The following KIFC2 variants were observed in gnomAD, a reference collection of about 807,000 sequenced individuals.
KIFC2 encodes the protein kinesin-like protein KIFC2.
KIFC2 carries 94 observed loss-of-function variants against 91.5 expected under a neutral mutation model. The observed-to-expected ratio is 1.03, with a 90% confidence interval of 0.87 to 1.22. The LOEUF is 1.22. Among genes scored for constraint, KIFC2 ranks in the 50% most tolerant of loss-of-function variants. The pLI, the probability that KIFC2 is intolerant of heterozygous loss-of-function variation, is 0.00. For synonymous variants in KIFC2, 729 were observed against 503.9 expected, an observed-to-expected ratio of 1.45 and a Z score of -5.98; for missense variants, 1,357 against 1,103.3, an observed-to-expected ratio of 1.23 and a Z score of -3.26.
rs1384229493 is a variant in KIFC2 at position 144,469,470 on chromosome 8, T to C, written c.1223-20T>C. ...CTTTAGGGTCTGCGAGGCATTATGC[T>C]GACCTGATCCCCACTGCAGGAAATA... is the stretch of plus-strand genomic sequence containing the variant. On this transcript the variant is annotated intron_variant, in intron 11 of 17. Coordinates refer to ENST00000645548, the MANE Select transcript of KIFC2 (RefSeq NM_001369769.2). 2 of 1,613,922 alleles carry C rather than the reference T, an allele frequency of 1.2e-6. No individual in the cohort carries two copies. The highest frequency in any genetic ancestry group is 2.2e-5 in the South Asian group (2 of 91,090).
rs1297818582 is a variant in KIFC2 at position 144,473,045 on chromosome 8, G to A, written c.2112G>A (p.Leu704=). ...ALGPGTTAVL[L]LQISTRPEDL... is the part of the protein sequence containing the mutation. ...GCCCAGGCACCACCGCGGTGCTGCTGCTGCAGGTGGGCGCCGGGGCGGGGC... is the reference window on the plus strand; with the variant it reads ...GCCCAGGCACCACCGCGGTGCTGCTACTGCAGGTGGGCGCCGGGGCGGGGC... Residue 704 remains leucine, a synonymous_variant, in exon 17 of 18, where the codon CTG becomes CTA. Transcript: ENST00000645548. 2.1e-6 allele frequency: 3 copies of A among 1,420,160 alleles called. No individual in the cohort carries two copies. In the Admixed American group the frequency reaches 9.8e-5, roughly 46 times the overall value. The allele number at this position is 1,420,160 out of a possible 1,614,324, so 88.0% of individuals were successfully genotyped here. A position where few individuals can be genotyped will look rare whatever the true frequency, so the allele number is the denominator to read the frequency against.
chr8:144,468,737 G>T lies in KIFC2; in HGVS notation c.1016G>T (p.Arg339Leu). 1 of 1,614,058 alleles carries T rather than the reference G, an allele frequency of 6.2e-7. No individual in the cohort carries two copies. Among genetic ancestry groups the T allele is most frequent in the Non-Finnish European group, 8.5e-7 (1 of 1,180,016 alleles). ...MHGQLAGLRA[R>L]MASLRQGCGD... ...CTTCCCTCTCCAGGACTTCGGGCAC[G>T]GATGGCCAGCCTGCGTCAGGGCTGC... The change falls in exon 10 of 18, where the codon CGG (arginine) becomes CTG (leucine). Residue 339 changes from arginine to leucine, a missense_variant. Coordinates refer to ENST00000645548, the MANE Select transcript of KIFC2 (RefSeq NM_001369769.2).
At position 144,467,789 on chromosome 8, in the gene KIFC2, C is replaced by T. The variant is rs765075028; in HGVS notation, c.681+10C>T. 7 of 1,613,666 alleles carry T rather than the reference C, an allele frequency of 4.3e-6. No individual in the cohort carries two copies. The highest frequency in any genetic ancestry group is 5.9e-6 in the Non-Finnish European group (7 of 1,179,966). On this transcript the variant is annotated intron_variant, in intron 6 of 17. Transcript: ENST00000645548. ...ACTGCGCCTGGGCGTGGTGAGGCTG[C>T]AGGGAGACCTGGCAGGGCCGGGCAT...
rs745739551 is a variant in KIFC2, at chr8:144,472,738, T to A, written c.1861+32T>A. The A allele has an allele frequency of 5.0e-6, 8 of 1,591,414 alleles. 1 individual carries two copies. In the South Asian group the frequency reaches 8.8e-5, roughly 18 times the overall value. ...CGGCCGGTGCCTGAGCCCTGCGGAG[T>A]CTCCAGAGCACCCGAGGCCCGGCCT... On this transcript the variant is annotated intron_variant, in intron 16 of 17. Coordinates refer to ENST00000645548, the MANE Select transcript of KIFC2 (RefSeq NM_001369769.2).
Position 144,471,926 on chromosome 8 carries a change from C to T in KIFC2, c.1381-16C>T, listed in dbSNP as rs370035950. ...ACGTGGGGAGGACTCAAAACACATT[C>T]TCCCGCCTCCCGCAGGTCTTCAGAG... On this transcript the variant is annotated splice_polypyrimidine_tract_variant and intron_variant, in intron 12 of 17. Coordinates refer to ENST00000645548, the MANE Select transcript of KIFC2 (RefSeq NM_001369769.2). The T allele has an allele frequency of 6.3e-5, 101 of 1,611,346 alleles. No individual in the cohort carries two copies. Among genetic ancestry groups the T allele is most frequent in the Non-Finnish European group, 8.0e-5 (94 of 1,178,586 alleles).
intron 10 of KIFC2, 132 bp from the exon 11 acceptor site, chr8:144,469,139 C>T (rs1022989471): frequency 5.4e-6 from 4 of 743,890 alleles, no homozygotes; most frequent in South Asian, 4.9e-5. Context: ...GGCCCAGAGC[C>T]ACTGAAAGTT....
At position 144,468,524 on chromosome 8, in the gene KIFC2, T is replaced by TG; in HGVS notation, c.889-9dup. The TG allele has an allele frequency of 6.5e-6, 2 of 306,892 alleles. No homozygotes were observed. The highest frequency in any genetic ancestry group is 1.9e-4 in the Admixed American group (1 of 5,330). 19.0% of individuals were successfully genotyped at this position (306,892 alleles called of 1,614,324 possible). On this transcript the variant is annotated splice_polypyrimidine_tract_variant and intron_variant, in intron 8 of 17. Transcript: ENST00000645548. ...GTTTCCTCAGTGACAGGGGTGGGGT[T>TG]GGGCGGGGCAGCTGGGGGTGCAGGA... is the stretch of plus-strand genomic sequence containing the variant.
At chr8:144,471,074 C>G (rs377533140) in intron 12 of KIFC2, among the ~76,000 whole-genome samples, 6 of 152,036 alleles carry the variant, frequency 3.9e-5, no homozygotes, top group African/African-American at 1.5e-4. Context: ...AGCAATTCTC[C>G]TGCTTCAGCC....
chr8:144,472,787 C>T lies in KIFC2; in HGVS notation c.1862-8C>T, dbSNP rs755980856. 54 of 1,591,356 alleles carry T rather than the reference C, an allele frequency of 3.4e-5. No homozygotes were observed. The Admixed American group carries it at 5.6e-4, about 16-fold the overall frequency. ...CTTCCCCCATGTCGGGCTCGCTCGC[C>T]CCTCTAGGCACGCTGCACCTGGTGG... is the stretch of plus-strand genomic sequence containing the variant. On this transcript the variant is annotated splice_region_variant and splice_polypyrimidine_tract_variant and intron_variant, in intron 16 of 17. Transcript: ENST00000645548.
chr8:144,469,165 T>C, intron 10 of KIFC2, 106 bp from the exon 11 acceptor site: 3 of 919,162 alleles, frequency 3.3e-6, no homozygotes, highest in Admixed American at 2.7e-5. Context: ...TTAGCACAGC[T>C]GAGCGGGCCT....
At position 144,472,217 on chromosome 8, in the gene KIFC2, G is replaced by A. The variant is rs769028986; in HGVS notation, c.1565G>A (p.Arg522Gln). ...FREMGAGRQHRVTLSMVEIYN... is the reference protein window; with the variant it reads ...FREMGAGRQHQVTLSMVEIYN... Reference sequence around the variant, plus strand: ...GAGATGGGGGCCGGCCGGCAGCACCGGGTGACACTCAGCATGGTGGAGATC... The same window carrying A: ...GAGATGGGGGCCGGCCGGCAGCACCAGGTGACACTCAGCATGGTGGAGATC... Residue 522 changes from arginine (R) to glutamine (Q), a missense_variant, in exon 14 of 18, where the codon CGG (arginine) becomes CAG (glutamine). Physicochemically the swap from Arg to Gln is conservative, Grantham distance 43. Coordinates refer to ENST00000645548, the MANE Select transcript of KIFC2 (RefSeq NM_001369769.2). The A allele has an allele frequency of 6.8e-6, 11 of 1,612,852 alleles. No individual in the cohort carries two copies. The highest frequency in any genetic ancestry group is 2.7e-5 in the African/African-American group (2 of 74,762).
chr8:144,474,143 G>A lies in KIFC2; in HGVS notation c.*754G>A, dbSNP rs1210143173. ...CAAGGCTGCTGCCTGGTGTTTCGAGGCTGCTGTGGTCGCAGACAGCCGCCT... is the reference window on the plus strand; with the variant it reads ...CAAGGCTGCTGCCTGGTGTTTCGAGACTGCTGTGGTCGCAGACAGCCGCCT... On this transcript the variant is annotated 3_prime_UTR_variant, in exon 18 of 18. Transcript: ENST00000645548. 3.1e-6 allele frequency: 3 copies of A among 956,894 alleles called. No homozygotes were observed. Among genetic ancestry groups the A allele is most frequent in the Non-Finnish European group, 1.5e-6 (1 of 653,038 alleles). The allele number at this position is 956,894 out of a possible 1,614,324, so 59.3% of individuals were successfully genotyped here.
chr8:144,467,157 C>T (rs756784364), intron 3 of KIFC2, 46 bp from the exon 4 acceptor site: 11 of 1,612,788 alleles, frequency 6.8e-6, no homozygotes, highest in Admixed American at 1.7e-5. Context: ...CTGCCCCGGC[C>T]TTCCTGGCTT....
chr8:144,470,784 G>C (rs1259255805), intron 12 of KIFC2: 1 of 152,268 alleles, frequency 6.6e-6, no homozygotes, highest in African/African-American at 2.4e-5. Context: ...CTGGGGTCAC[G>C]CCTTGTGAGC....
At chr8:144,471,530 C>T (rs1237544218) in intron 12 of KIFC2, among the ~76,000 whole-genome samples, 1 of 152,118 alleles carries the variant, frequency 6.6e-6, no homozygotes, top group Non-Finnish European at 1.5e-5. Context: ...CTAGGCTGGT[C>T]TCAAACTCCG....
rs750491001 is a variant in KIFC2, at chr8:144,473,010, C to A, written c.2077C>A (p.Pro693Thr). ...CTCGCAGCTCACGCGACTGCTGCAG[C>A]CGGCGCTGGGCCCAGGCACCACCGC... ...RDSQLTRLLQ[P>T]ALGPGTTAVL... The change falls in exon 17 of 18, where the codon CCG (proline) becomes ACG (threonine). Residue 693 changes from proline (P) to threonine (T), a missense_variant. Pro to Thr is a conservative substitution (Grantham distance 38). Transcript: ENST00000645548. 6 of 1,425,428 alleles carry A rather than the reference C, an allele frequency of 4.2e-6. No individual in the cohort carries two copies. In the East Asian group the frequency reaches 1.8e-4, roughly 42 times the overall value. The allele number at this position is 1,425,428 out of a possible 1,614,324, so 88.3% of individuals were successfully genotyped here.
At chr8:144,472,111 C>T in intron 13 of KIFC2, 27 bp from the exon 14 acceptor site, 2 of 1,612,972 alleles carry the variant, frequency 1.2e-6, no homozygotes, top group Non-Finnish European at 1.7e-6. Flanking sequence ...GGATGTGAGC[C>T]CGGTGTGCAC....
Position 144,472,661 on chromosome 8 carries a change from C to T in KIFC2, c.1816C>T (p.Leu606=), listed in dbSNP as rs761166379. 20 of 1,598,096 alleles carry T rather than the reference C, an allele frequency of 1.3e-5. No individual in the cohort carries two copies. The highest frequency in any genetic ancestry group is 1.6e-5 in the Non-Finnish European group (19 of 1,178,660). Residue 606 remains leucine, a synonymous_variant, in exon 16 of 18, where the codon CTG becomes TTG. Coordinates refer to ENST00000645548, the MANE Select transcript of KIFC2 (RefSeq NM_001369769.2). ...CTCCCGCTCGCATGCCCTGGTCACG[C>T]TGACGCTGCGCGCGGCGTCTCCACC... ...RSSRSHALVT[L]TLRAASPPRA...
rs145917450 is a variant in KIFC2 at position 144,467,568 on chromosome 8, C to T, written c.553C>T (p.Pro185Ser). Residue 185 changes from proline to serine, a missense_variant, in exon 5 of 18, where the codon CCC becomes TCC. Transcript: ENST00000645548. ...PLGDETQGQQPLQLEEDQRAW... is the reference protein window; with the variant it reads ...PLGDETQGQQSLQLEEDQRAW... ...GGGGGATGAGACCCAGGGACAGCAG[C>T]CCCTCCAGTTGGAGGAGGATCAGAG... 501 of 1,605,656 alleles carry T rather than the reference C, an allele frequency of 3.1e-4. 2 individuals are homozygous for T. In the African/African-American group the frequency reaches 5.9e-3, roughly 19 times the overall value.
Sources: gnomAD v4.1 joint callset for allele counts (sites outside exome capture counted in the v4.1 genomes callset) on GRCh38, gnomAD v4.1.1 for gene constraint, MANE v1.5 for transcripts, NCBI Gene and HGNC (gene_info 2026-07-23, HGNC 2026-07-21) for gene names.